Variants in ITGA5 observed in about 807,000 individuals in gnomAD.
ITGA5 encodes integrin subunit alpha 5.
ITGA5 carries 55 observed loss-of-function variants against 146.3 expected under a neutral mutation model. The observed-to-expected ratio is 0.38, with a 90% confidence interval of 0.30 to 0.47. ITGA5 has a LOEUF of 0.47. Ranked by LOEUF, ITGA5 falls within the 20% of genes least tolerant of loss-of-function variation. The probability of loss-of-function intolerance (pLI) is 0.99; values close to 1 mark genes in which losing one functional copy is unlikely to be tolerated. For missense variants in ITGA5, 1,131 were observed against 1,329.0 expected (o/e 0.85, Z 2.32); for synonymous variants, 500 against 531.8 (o/e 0.94, Z 0.82).
At chr12:54,412,089 G>C in intron 1 of ITGA5, 125 bp from the exon 2 acceptor site, 1 of 685,918 alleles carries the variant, frequency 1.5e-6, no homozygotes, top group South Asian at 2.3e-5. Context: ...CCCCTGCGTT[G>C]TATTTATATC....
rs1955726812 is a variant in ITGA5, at chr12:54,397,460, C to T, written c.2971G>A (p.Ala991Thr). ...AGTGGGACGCCATAGCTGCCTTCTG[C>T]CTTGGTCCATTGCACAGCTGTGGCC... ...QVATAVQWTKAEGSYGVPLWI... is the reference protein window; with the variant it reads ...QVATAVQWTKTEGSYGVPLWI... Residue 991 changes from alanine to threonine, a missense_variant, in exon 29 of 30, where the codon GCA becomes ACA. Physicochemically the swap from Ala to Thr is moderately conservative, Grantham distance 58. Transcript: ENST00000293379. The T allele has an allele frequency of 6.2e-7, 1 of 1,614,136 alleles. No homozygotes were observed. The highest frequency in any genetic ancestry group is 1.7e-4 in the Middle Eastern group (1 of 6,028).
chr12:54,414,395 C>T (rs890876150), intron 1 of ITGA5, among the ~76,000 whole-genome samples: 2 of 152,144 alleles, frequency 1.3e-5, no homozygotes, highest in Non-Finnish European at 1.5e-5. Flanking sequence ...GAAAGCCTAA[C>T]GGAAATCATG....
At chr12:54,398,719 G>A (rs1190056452) in intron 27 of ITGA5, 21 bp from the exon 28 acceptor site, 1 of 1,536,478 alleles carries the variant, frequency 6.5e-7, no homozygotes, top group Non-Finnish European at 8.9e-7. Flanking sequence ...GGGAAAGTTG[G>A]TTAGCACATC....
chr12:54,398,645 C>T lies in ITGA5; in HGVS notation c.2895G>A (p.Lys965=). Reference sequence around the variant, plus strand: ...GCCGAGGCAGGATTCGGTAGGGCATCTTCAGGGCTTTGTACACAGCCTCAC... The same window carrying T: ...GCCGAGGCAGGATTCGGTAGGGCATTTTCAGGGCTTTGTACACAGCCTCAC... ...LQCEAVYKAL[K]MPYRILPRQL... Residue 965 remains lysine, a synonymous_variant, in exon 28 of 30, where the codon AAG becomes AAA. Transcript: ENST00000293379. 3 of 1,611,174 alleles carry T rather than the reference C, an allele frequency of 1.9e-6. No individual in the cohort carries two copies. The highest frequency in any genetic ancestry group is 1.1e-5 in the South Asian group (1 of 90,338).
At position 54,411,250 on chromosome 12, in the gene ITGA5, T is replaced by A. The variant is rs529533798; in HGVS notation, c.349+584A>T. ...GCTGTATAACCTTGGATAAGCTACT[T>A]ACCCTCTGTCTCCTCACTTAGAAAA... On this transcript the variant is annotated intron_variant, in intron 2 of 29. Coordinates refer to ENST00000293379, the MANE Select transcript of ITGA5 (RefSeq NM_002205.5). 2.6e-3 allele frequency among the ~76,000 whole-genome samples: 391 copies of A among 152,382 alleles called. 2 individuals carry two copies. The highest frequency in any genetic ancestry group is 4.1e-3 in the Non-Finnish European group (281 of 68,034).
At chr12:54,408,984 C>T (rs745919371) in intron 4 of ITGA5, 30 bp from the exon 5 acceptor site, 58 of 1,607,086 alleles carry the variant, frequency 3.6e-5, no homozygotes, top group Non-Finnish European at 4.9e-5. Context: ...TGAAAATGAG[C>T]CCTGCATAGA....
chr12:54,397,577 C>A, intron 28 of ITGA5, 90 bp from the exon 29 acceptor site: 2 of 1,471,010 alleles, frequency 1.4e-6, no homozygotes, highest in Non-Finnish European at 1.9e-6. Flanking sequence ...TCTGCAGAGC[C>A]CAGTGGGCTC....
At chr12:54,407,541 A>G in intron 9 of ITGA5, 108 bp downstream of exon 9, 1 of 885,674 alleles carries the variant, frequency 1.1e-6, no homozygotes, top group South Asian at 1.4e-5. Context: ...GTCTGCCTCC[A>G]GAGCCCATGT....
chr12:54,412,088 T>C (rs1041176599), intron 1 of ITGA5, 124 bp from the exon 2 acceptor site: 8 of 687,122 alleles, frequency 1.2e-5, no homozygotes, highest in Admixed American at 7.4e-5. Flanking sequence ...CCCCCTGCGT[T>C]GTATTTATAT....
chr12:54,403,619 C>T lies in ITGA5; in HGVS notation c.1776+6G>A. 1.2e-6 allele frequency: 2 copies of T among 1,612,466 alleles called. No individual in the cohort carries two copies. Among genetic ancestry groups the T allele is most frequent in the Non-Finnish European group, 1.7e-6 (2 of 1,179,268 alleles). ...GCCAGTCCACACCCCGCCCTCTGGG[C>T]CATACCCTGAGGTAGATCTTCATCT... On this transcript the variant is annotated splice_donor_region_variant and intron_variant, in intron 17 of 29. Transcript: ENST00000293379. This position sits in a 1 kb window ranked among gnomAD's most constrained non-coding sequence, Gnocchi z 4.9.
chr12:54,405,836 G>T, intron 10 of ITGA5, 34 bp downstream of exon 10: 1 of 1,608,586 alleles, frequency 6.2e-7, no homozygotes, highest in Non-Finnish European at 8.5e-7. Flanking sequence ...GTTGACAGAG[G>T]CCAAGCTGGG....
Position 54,402,241 on chromosome 12 carries a change from G to C in ITGA5, c.2072C>G (p.Ala691Gly). 1 of 1,614,172 alleles carries C rather than the reference G, an allele frequency of 6.2e-7. No homozygotes were observed. The highest frequency in any genetic ancestry group is 8.5e-7 in the Non-Finnish European group (1 of 1,180,022). Residue 691 changes from alanine (A) to glycine (G), a missense_variant, in exon 20 of 30, where the codon GCT (alanine) becomes GGT (glycine). Transcript: ENST00000293379. ...QNVGEGGAYE[A>G]ELRVTAPPEA... ...TGGAGGGGCGGTGACCCGAAGCTCA[G>C]CCTCATAGGCGCCACCCTCACCCAC...
intron 7 of ITGA5, 64 bp downstream of exon 7, chr12:54,408,046 G>C: frequency 6.2e-7 from 1 of 1,601,620 alleles, no homozygotes; most frequent in South Asian, 1.1e-5. Flanking sequence ...AGGCGAGGGG[G>C]TGAGTGGGGA....
Position 54,401,968 on chromosome 12 carries a change from CCT to C in ITGA5, c.2226+31_2226+32del. ...GGTTACCGCCCTCAGGTCTGCTCTC[CCT>C]CTGTCCCATCCTCTTTCATCCCAAA... On this transcript the variant is annotated intron_variant, in intron 21 of 29. Transcript: ENST00000293379. The surrounding 1 kb of genome is among the most constrained non-coding windows in gnomAD (Gnocchi z 5.0). 1.2e-6 allele frequency: 2 copies of C among 1,610,008 alleles called. No homozygotes were observed. Among genetic ancestry groups the C allele is most frequent in the Non-Finnish European group, 1.7e-6 (2 of 1,176,342 alleles).
Position 54,398,710 on chromosome 12 carries a change from G to T in ITGA5, c.2842-12C>A. On this transcript the variant is annotated splice_polypyrimidine_tract_variant and intron_variant, in intron 27 of 29. Coordinates refer to ENST00000293379, the MANE Select transcript of ITGA5 (RefSeq NM_002205.5). ...GGCTGGTGCTCCCGCTGTGGGTAGG[G>T]GAAAGTTGGTTAGCACATCCTCTCT... 1 of 1,584,028 alleles carries T rather than the reference G, an allele frequency of 6.3e-7. No individual in the cohort carries two copies. Among genetic ancestry groups the T allele is most frequent in the Non-Finnish European group, 8.6e-7 (1 of 1,164,060 alleles).
At position 54,401,974 on chromosome 12, in the gene ITGA5, T is replaced by A. The variant is rs1955791300; in HGVS notation, c.2226+27A>T. 1 of 1,611,392 alleles carries A rather than the reference T, an allele frequency of 6.2e-7. No homozygotes were observed. Among genetic ancestry groups the A allele is most frequent in the Non-Finnish European group, 8.5e-7 (1 of 1,177,710 alleles). On this transcript the variant is annotated intron_variant, in intron 21 of 29. Coordinates refer to ENST00000293379, the MANE Select transcript of ITGA5 (RefSeq NM_002205.5). The surrounding 1 kb of genome is among the most constrained non-coding windows in gnomAD (Gnocchi z 5.0). ...CGCCCTCAGGTCTGCTCTCCCTCTG[T>A]CCCATCCTCTTTCATCCCAAACTTA...
chr12:54,419,079 C>A lies in ITGA5; in HGVS notation c.120G>T (p.Gly40=). The A allele has an allele frequency of 1.3e-6, 2 of 1,587,144 alleles. No individual in the cohort carries two copies. Among genetic ancestry groups the A allele is most frequent in the South Asian group, 2.3e-5 (2 of 87,502 alleles). Residue 40 remains glycine, a synonymous_variant, in exon 1 of 30, where the codon GGG becomes GGT. Transcript: ENST00000293379. ...GGGCCTCCGCGTCTAAGTTGAAGCC[C>A]CCGACCCTGGGTGGCGGCGGCAGCA... ...LLLLPPPPRV[G]GFNLDAEAPA...
At position 54,410,344 on chromosome 12, in the gene ITGA5, CT is replaced by C. The variant is rs1375032863; in HGVS notation, c.350-748del. ...TGTCTCTAACACCATCTTGTTCCAC[CT>C]CCTTTTTTTTTTTTTTTTGAGATAG... On this transcript the variant is annotated intron_variant, in intron 2 of 29. Coordinates refer to ENST00000293379, the MANE Select transcript of ITGA5 (RefSeq NM_002205.5). 1.3e-3 allele frequency among the ~76,000 whole-genome samples: 126 copies of C among 97,792 alleles called. 1 individual carries two copies. The highest frequency in any genetic ancestry group is 5.1e-3 in the African/African-American group (117 of 22,864). The allele number at this position is 97,792 out of a possible 152,430, so 64.2% of individuals were successfully genotyped here. A position where few individuals can be genotyped will look rare whatever the true frequency, so the allele number is the denominator to read the frequency against.
At chr12:54,404,585 C>T in intron 13 of ITGA5, 110 bp from the exon 14 acceptor site, 1 of 1,493,100 alleles carries the variant, frequency 6.7e-7, no homozygotes, top group South Asian at 1.1e-5. Flanking sequence ...GAAGACAGCG[C>T]CCTCTGTTGG....
Sources: allele counts gnomAD v4.1 joint callset (sites outside exome capture counted in the v4.1 genomes callset), GRCh38; gene constraint gnomAD v4.1.1; non-coding constraint Gnocchi (gnomAD v3.1); transcripts MANE v1.5; gene names NCBI Gene and HGNC (gene_info 2026-07-23, HGNC 2026-07-21).